Variants in ITGB8 observed in about 807,000 individuals in gnomAD.
The protein encoded by ITGB8 is integrin beta-8.
A neutral mutation model predicts 89.5 loss-of-function variants in ITGB8; 30 were observed. The ratio of observed to expected loss-of-function variants is 0.34; its 90% CI spans 0.25 to 0.45. The LOEUF (loss-of-function observed/expected upper bound fraction) is 0.45, where lower values mean the gene tolerates loss of function less well. ITGB8 is among the 20% of genes least tolerant of loss of function. The probability of loss-of-function intolerance (pLI) is 1.00; values close to 1 mark genes in which losing one functional copy is unlikely to be tolerated. For synonymous variants in ITGB8, 335 were observed against 320.4 expected, an observed-to-expected ratio of 1.05 and a Z score of -0.49; for missense variants, 836 against 933.3, an observed-to-expected ratio of 0.90 and a Z score of 1.36.
chr7:20,369,657 A>C (rs1167744717), intron 3 of ITGB8, among the ~76,000 whole-genome samples: 1 of 152,212 alleles, frequency 6.6e-6, no homozygotes, highest in Non-Finnish European at 1.5e-5. Context: ...TTTGATACAT[A>C]AATAATATTT....
At chr7:20,341,771 T>A (rs1784764292) in intron 1 of ITGB8, among the ~76,000 whole-genome samples, 1 of 152,132 alleles carries the variant, frequency 6.6e-6, no homozygotes, top group Admixed American at 6.5e-5. Flanking sequence ...CTCACTTGCC[T>A]GAGGTTGGAT....
chr7:20,394,279 C>T (rs1024984112), intron 7 of ITGB8, among the ~76,000 whole-genome samples: 2 of 152,158 alleles, frequency 1.3e-5, no homozygotes, highest in African/African-American at 2.4e-5. Context: ...GCTTCATCTT[C>T]GATTCATGCA....
chr7:20,404,739 T>A lies in ITGB8; in HGVS notation c.1799T>A (p.Val600Glu). The A allele has an allele frequency of 1.2e-6, 2 of 1,614,132 alleles. No individual in the cohort carries two copies. The highest frequency in any genetic ancestry group is 1.7e-6 in the Non-Finnish European group (2 of 1,180,024). ...AQHCVNSKGQVCSGRGTCVCG... is the reference protein window; with the variant it reads ...AQHCVNSKGQECSGRGTCVCG... ...CACTGTGTCAATTCAAAGGGCCAAG[T>A]GTGCAGTGGAAGAGGCACGTGTGTG... Residue 600 changes from valine (V) to glutamate (E), a missense_variant, in exon 11 of 14, where the codon GTG (valine) becomes GAG (glutamate). Physicochemically the swap from Val to Glu is moderately radical, Grantham distance 121 (BLOSUM62 -2). This residue lies in a region of ITGB8 where 422 missense variants were observed against 416.9 expected (regional missense o/e 1.01). Coordinates refer to ENST00000222573, the MANE Select transcript of ITGB8 (RefSeq NM_002214.3).
At chr7:20,350,433 C>T (rs1306072165) in intron 1 of ITGB8, among the ~76,000 whole-genome samples, 3 of 152,218 alleles carry the variant, frequency 2.0e-5, no homozygotes, top group African/African-American at 7.2e-5. Flanking sequence ...CAGGCATGAG[C>T]CACTGTGCCC....
chr7:20,331,709 C>A lies in ITGB8; in HGVS notation c.-98C>A. The A allele has an allele frequency of 1.4e-6, 2 of 1,393,264 alleles. No homozygotes were observed. The highest frequency in any genetic ancestry group is 1.9e-6 in the Non-Finnish European group (2 of 1,052,802). 86.3% of individuals were successfully genotyped at this position (1,393,264 alleles called of 1,614,324 possible). On this transcript the variant is annotated 5_prime_UTR_variant, in exon 1 of 14. Coordinates refer to ENST00000222573, the MANE Select transcript of ITGB8 (RefSeq NM_002214.3). ...GCTAGGCCTGCGGAAAACGTCCTAG[C>A]GACACTCGGCCCGCGGGCCCCGAGG...
At chr7:20,343,161 GGGATGTT>G (rs1223153893) in intron 1 of ITGB8, among the ~76,000 whole-genome samples, 6 of 152,296 alleles carry the variant, frequency 3.9e-5, no homozygotes, top group African/African-American at 1.4e-4. Flanking sequence ...GTTTAGAAAT[GGGATGTT>G]GGATATTGGC....
intron 5 of ITGB8, chr7:20,381,516 T>C: frequency 2.3e-6 from 1 of 443,492 alleles, no homozygotes; most frequent in Non-Finnish European, 4.0e-6. Context: ...TAGAAATCTC[T>C]AGCCAGGAAC....
chr7:20,391,198 G>A (rs1047549554), intron 6 of ITGB8, among the ~76,000 whole-genome samples: 6 of 151,834 alleles, frequency 4.0e-5, no homozygotes, highest in African/African-American at 1.5e-4. Flanking sequence ...TTAAGTTACA[G>A]GTTTTTATGG....
At chr7:20,337,154 GATA>G (rs1290871291) in intron 1 of ITGB8, among the ~76,000 whole-genome samples, 1 of 151,962 alleles carries the variant, frequency 6.6e-6, no homozygotes. Context: ...TTCTATTGTT[GATA>G]ATAAAATATA....
At chr7:20,387,519 C>T (rs1445764888) in intron 6 of ITGB8, among the ~76,000 whole-genome samples, 2 of 152,160 alleles carry the variant, frequency 1.3e-5, no homozygotes, top group East Asian at 3.8e-4. Context: ...AAGTTGAAGC[C>T]CAGATGATCT....
At chr7:20,396,577 T>A (rs1300833482) in intron 8 of ITGB8, among the ~76,000 whole-genome samples, 1 of 151,814 alleles carries the variant, frequency 6.6e-6, no homozygotes, top group Admixed American at 6.6e-5. Flanking sequence ...TTAAATTACA[T>A]CTTTCTCACT....
Position 20,398,334 on chromosome 7 carries a change from T to C in ITGB8, c.1147-526T>C, listed in dbSNP as rs553775815. Among the ~76,000 whole-genome samples, 45 of 152,312 alleles carry C rather than the reference T, an allele frequency of 3.0e-4. 1 individual carries two copies. In the South Asian group the frequency reaches 6.2e-3, roughly 21 times the overall value. On this transcript the variant is annotated intron_variant, in intron 8 of 13. Transcript: ENST00000222573. ...TCCAGTAATTCTTGCTCCTTCAGTG[T>C]AGAAATGGCCTCCCTAAAATGTACT...
intron 6 of ITGB8, among the ~76,000 whole-genome samples, chr7:20,388,812 G>A (rs999432300): frequency 1.8e-4 from 28 of 152,008 alleles, no homozygotes; most frequent in African/African-American, 6.8e-4. Flanking sequence ...ACAGGCCCTG[G>A]TGTATGATGT....
At chr7:20,365,604 T>C (rs576490567) in intron 2 of ITGB8, 7 of 152,268 alleles carry the variant, frequency 4.6e-5, no homozygotes, top group African/African-American at 1.7e-4. Flanking sequence ...TAGGACTATA[T>C]ATAGAACTTT....
In ITGB8 at chr7:20,379,036, C is replaced by A; in HGVS notation, c.389-15C>A. 6.4e-7 allele frequency: 1 copy of A among 1,555,916 alleles called. No homozygotes were observed. Among genetic ancestry groups the A allele is most frequent in the South Asian group, 1.2e-5 (1 of 81,212 alleles). ...AAAATGAAGACTACATGATGTTTTT[C>A]TTCTATTGAACTAGGAGCCGAAGCT... On this transcript the variant is annotated splice_polypyrimidine_tract_variant and intron_variant, in intron 3 of 13. Transcript: ENST00000222573.
chr7:20,356,155 TG>T (rs1785286393), intron 1 of ITGB8, among the ~76,000 whole-genome samples: 1 of 152,216 alleles, frequency 6.6e-6, no homozygotes, highest in Admixed American at 6.5e-5. Context: ...ACTTTTGTTT[TG>T]TTTCCTGTAC....
At chr7:20,360,348 A>ATTTTTTTTTTTTTTTTT (rs71020629) in intron 1 of ITGB8, among the ~76,000 whole-genome samples, 8 of 127,712 alleles carry the variant, frequency 6.3e-5, no homozygotes, top group East Asian at 2.4e-4. Flanking sequence ...CAGTCCTTTA[A>ATTTTTTTTTTTTTTTTT]TTTTTTTTTT....
intron 1 of ITGB8, among the ~76,000 whole-genome samples, chr7:20,343,708 C>T (rs796464730): frequency 1.3e-5 from 2 of 152,306 alleles, no homozygotes; most frequent in South Asian, 2.1e-4. Flanking sequence ...TTCACCCATT[C>T]TCTTCCTCTA....
chr7:20,408,163 C>A (rs1005148807), intron 12 of ITGB8, among the ~76,000 whole-genome samples: 1 of 152,072 alleles, frequency 6.6e-6, no homozygotes, highest in African/African-American at 2.4e-5. Flanking sequence ...CTAAATCAAC[C>A]AGAGGAAATG....
Sources: gnomAD v4.1 joint callset for allele counts (sites outside exome capture counted in the v4.1 genomes callset) on GRCh38, gnomAD v4.1.1 for gene constraint, gnomAD v4.1.1 regional missense constraint, MANE v1.5 for transcripts, NCBI Gene and HGNC (gene_info 2026-07-23, HGNC 2026-07-21) for gene names.